Variants in PIGU observed in about 807,000 individuals in gnomAD.
PIGU encodes GPI-anchor transamidase component PIGU.
PIGU carries 24 observed loss-of-function variants against 49.9 expected under a neutral mutation model. The observed-to-expected ratio is 0.48, with a 90% CI of 0.35 to 0.68. PIGU has a LOEUF of 0.68. PIGU is among the 30% of genes least tolerant of loss of function. The pLI, the probability that PIGU is intolerant of heterozygous loss-of-function variation, is 0.01. For synonymous variants in PIGU, 220 were observed against 205.7 expected (o/e 1.07, Z -0.59); for missense variants, 490 against 532.6 (o/e 0.92, Z 0.79).
At chr20:34,603,861 G>GACAGACACACACACAC (rs1555798270) in intron 7 of PIGU, among the ~76,000 whole-genome samples, 1 of 143,806 alleles carries the variant, frequency 7.0e-6, no homozygotes, top group Admixed American at 7.1e-5. Context: ...TTAGTGGACA[G>GACAGACACACACACAC]ACACACACAC....
At chr20:34,598,430 T>C (rs753459829) in intron 7 of PIGU, among the ~76,000 whole-genome samples, 1 of 152,236 alleles carries the variant, frequency 6.6e-6, no homozygotes, top group Non-Finnish European at 1.5e-5. Flanking sequence ...ATACATCTCA[T>C]AGGCTCTTTA....
chr20:34,567,721 C>G (rs1341324203), intron 11 of PIGU, among the ~76,000 whole-genome samples: 1 of 152,012 alleles, frequency 6.6e-6, no homozygotes, highest in Admixed American at 6.6e-5. Flanking sequence ...GTCTGAATTG[C>G]CCTCATTCCC....
intron 1 of PIGU, among the ~76,000 whole-genome samples, chr20:34,665,109 T>C (rs1243580070): frequency 6.6e-6 from 1 of 151,230 alleles, no homozygotes; most frequent in Non-Finnish European, 1.5e-5. Context: ...CACTGCAACC[T>C]TCACCTCCCG....
chr20:34,598,311 A>G (rs1261786430), intron 7 of PIGU, among the ~76,000 whole-genome samples: 2 of 152,328 alleles, frequency 1.3e-5, no homozygotes, highest in Admixed American at 6.5e-5. Flanking sequence ...GGAGGAACAG[A>G]GAAGGTCTGT....
At chr20:34,665,192 ATTTTTT>A (rs1171497892) in intron 1 of PIGU, among the ~76,000 whole-genome samples, 2 of 59,612 alleles carry the variant, frequency 3.4e-5, no homozygotes, top group Non-Finnish European at 6.0e-5. Context: ...TGTATGGCCA[ATTTTTT>A]TTTTTTTTTT....
chr20:34,572,331 G>A (rs1983047144), intron 11 of PIGU, among the ~76,000 whole-genome samples: 1 of 151,936 alleles, frequency 6.6e-6, no homozygotes, highest in African/African-American at 2.4e-5. Flanking sequence ...ACCAGGCCCG[G>A]CTGCAAGGCT....
intron 7 of PIGU, among the ~76,000 whole-genome samples, chr20:34,606,356 T>C (rs1005189008): frequency 4.6e-5 from 7 of 152,320 alleles, no homozygotes; most frequent in Non-Finnish European, 7.4e-5. Context: ...AGCTGTTTTT[T>C]TCAACCCAAA....
chr20:34,603,374 C>T (rs1292307688), intron 7 of PIGU, among the ~76,000 whole-genome samples: 2 of 152,110 alleles, frequency 1.3e-5, no homozygotes, highest in Non-Finnish European at 2.9e-5. Flanking sequence ...ATATTTCTGT[C>T]ACCTACTATA....
At chr20:34,571,672 G>A (rs967355649) in intron 11 of PIGU, among the ~76,000 whole-genome samples, 6 of 152,180 alleles carry the variant, frequency 3.9e-5, no homozygotes, top group East Asian at 1.9e-4. Flanking sequence ...TTTGGGCTGC[G>A]CAGGACATGC....
intron 1 of PIGU, among the ~76,000 whole-genome samples, chr20:34,666,855 C>A (rs919058952): frequency 2.0e-5 from 3 of 151,904 alleles, no homozygotes; most frequent in Non-Finnish European, 4.4e-5. Flanking sequence ...TGCCACCACG[C>A]CAGGCTAATT....
chr20:34,635,592 C>G (rs573370873), intron 5 of PIGU, among the ~76,000 whole-genome samples: 2 of 152,270 alleles, frequency 1.3e-5, no homozygotes, highest in East Asian at 3.9e-4. Flanking sequence ...AAAATGAGAA[C>G]AAGCCGGGAG....
At chr20:34,625,429 A>C (rs1289600912) in intron 6 of PIGU, among the ~76,000 whole-genome samples, 1 of 151,714 alleles carries the variant, frequency 6.6e-6, no homozygotes, top group Non-Finnish European at 1.5e-5. Context: ...AATAAAACTC[A>C]CCCATGAACT....
chr20:34,665,192 A>ATTTTTTTTT lies in PIGU; in HGVS notation c.131-7957_131-7949dup, dbSNP rs1171497892. ...AGATGCACACCACCATGTATGGCCA[A>ATTTTTTTTT]TTTTTTTTTTTTTTTTTTTTTTTTT... On this transcript the variant is annotated intron_variant, in intron 1 of 11. Coordinates refer to ENST00000217446, the MANE Select transcript of PIGU (RefSeq NM_080476.5). Among the ~76,000 whole-genome samples, 93 of 59,612 alleles carry ATTTTTTTTT rather than the reference A, an allele frequency of 1.6e-3. 9 individuals are homozygous for ATTTTTTTTT. The highest frequency in any genetic ancestry group is 6.3e-3 in the African/African-American group (84 of 13,408). The allele number at this position is 59,612 out of a possible 152,430, so 39.1% of individuals were successfully genotyped here.
rs530401789 is a variant in PIGU at position 34,612,303 on chromosome 20, A to G, written c.627+3739T>C. 2.6e-5 allele frequency among the ~76,000 whole-genome samples: 4 copies of G among 152,292 alleles called. No individual in the cohort carries two copies. The South Asian group carries it at 8.3e-4, about 32-fold the overall frequency. On this transcript the variant is annotated intron_variant, in intron 7 of 11. Coordinates refer to ENST00000217446, the MANE Select transcript of PIGU (RefSeq NM_080476.5). ...CTTACTCATAAGTGGGAGTTGAACA[A>G]TGGGAACACATGGACACAGGGAGGT...
In PIGU at chr20:34,603,036, C is replaced by A. The variant is rs372015600; in HGVS notation, c.627+13006G>T. On this transcript the variant is annotated intron_variant, in intron 7 of 11. Coordinates refer to ENST00000217446, the MANE Select transcript of PIGU (RefSeq NM_080476.5). ...CACTCCAGCCTACTCCTGCCCATATCTTTTTTTTTTTTCTTGTTACAATTC... is the reference window on the plus strand; with the variant it reads ...CACTCCAGCCTACTCCTGCCCATATATTTTTTTTTTTTCTTGTTACAATTC... 4.8e-5 allele frequency among the ~76,000 whole-genome samples: 7 copies of A among 146,986 alleles called. No homozygotes were observed. In the South Asian group the frequency reaches 1.5e-3, roughly 31 times the overall value.
At chr20:34,623,550 C>T (rs375177394) in intron 6 of PIGU, among the ~76,000 whole-genome samples, 4 of 152,208 alleles carry the variant, frequency 2.6e-5, no homozygotes, top group Non-Finnish European at 5.9e-5. Context: ...TCTGGGGTCA[C>T]GAAACTAGTG....
At chr20:34,657,307 A>G in intron 1 of PIGU, 63 bp from the exon 2 acceptor site, 1 of 1,231,068 alleles carries the variant, frequency 8.1e-7, no homozygotes, top group Non-Finnish European at 1.2e-6. Context: ...AAATTGTTAG[A>G]TACCCCCACA....
In PIGU at chr20:34,581,632, T is replaced by C. The variant is rs900663916; in HGVS notation, c.967A>G (p.Ile323Val). The change falls in exon 10 of 12, where the codon ATC (isoleucine) becomes GTC (valine). Residue 323 changes from isoleucine (I) to valine (V), a missense_variant. By Grantham distance (29) the Ile-to-Val change is conservative. Transcript: ENST00000217446. The part of the protein sequence containing the change: ...IFFMFIQIAV[I>V]AIFKSYPTVG... ...GTCGGGTAGGACTTAAAGATGGCGA[T>C]GACAGCGATCTGGATAAACATGAAG... is the stretch of plus-strand genomic sequence containing the variant. 19 of 1,613,992 alleles carry C rather than the reference T, an allele frequency of 1.2e-5. No homozygotes were observed. Among genetic ancestry groups the C allele is most frequent in the Admixed American group, 1.7e-5 (1 of 60,010 alleles).
chr20:34,616,287 A>G, intron 6 of PIGU, 148 bp from the exon 7 acceptor site: 1 of 848,070 alleles, frequency 1.2e-6, no homozygotes, highest in Non-Finnish European at 1.7e-6. Flanking sequence ...ATGCAAATTC[A>G]CACAGTAAGA....
Sources: gnomAD v4.1 joint callset for allele counts (sites outside exome capture counted in the v4.1 genomes callset) on GRCh38, gnomAD v4.1.1 for gene constraint, MANE v1.5 for transcripts, NCBI Gene and HGNC (gene_info 2026-07-23, HGNC 2026-07-21) for gene names.